SLC22A11: variants seen among roughly 807,000 people sequenced by gnomAD.
The protein encoded by SLC22A11 is organic anion transporter 4.
SLC22A11 carries 42 observed loss-of-function variants against 49.4 expected under a neutral mutation model. The ratio of observed to expected loss-of-function variants is 0.85; its 90% CI spans 0.66 to 1.10. The LOEUF (loss-of-function observed/expected upper bound fraction) is 1.10. Among genes scored for constraint, SLC22A11 ranks in the 50% least tolerant of loss-of-function variants. The pLI is 0.00. For missense variants in SLC22A11, 685 were observed against 731.6 expected (o/e 0.94, Z 0.74); for synonymous variants, 304 against 315.8 (o/e 0.96, Z 0.40).
chr11:64,560,050 T>A (rs1362652199), intron 2 of SLC22A11, among the ~76,000 whole-genome samples: 1 of 148,926 alleles, frequency 6.7e-6, no homozygotes, highest in Non-Finnish European at 1.5e-5. Context: ...GGAGCTGAGC[T>A]GCTGATTCCT....
intron 7 of SLC22A11, 35 bp downstream of exon 7, chr11:64,567,848 C>T (rs772895237): frequency 2.5e-5 from 38 of 1,540,364 alleles, no homozygotes; most frequent in Non-Finnish European, 3.0e-5. Context: ...GGACCGGGCC[C>T]TGCTTCCCCG....
At chr11:64,563,641 C>G (rs1273538156) in intron 4 of SLC22A11, among the ~76,000 whole-genome samples, 1 of 61,190 alleles carries the variant, frequency 1.6e-5, no homozygotes, top group Non-Finnish European at 4.9e-5. Context: ...AAAAAAAAGG[C>G]CGGGCACAGT....
chr11:64,559,714 G>A (rs2038515745), intron 2 of SLC22A11, among the ~76,000 whole-genome samples: 1 of 152,152 alleles, frequency 6.6e-6, no homozygotes, highest in African/African-American at 2.4e-5. Context: ...GGGAGGGTGG[G>A]AGACAAGTGT....
intron 9 of SLC22A11, 47 bp from the exon 10 acceptor site, chr11:64,570,932 C>T: frequency 6.2e-7 from 1 of 1,603,788 alleles, no homozygotes; most frequent in Non-Finnish European, 8.5e-7. Context: ...GCTCCGAGTA[C>T]ATACCCACTT....
rs1407521422 is a variant in SLC22A11 at position 64,565,443 on chromosome 11, C to T, written c.1058+106C>T. On this transcript the variant is annotated intron_variant, in intron 6 of 9. Transcript: ENST00000301891. The surrounding 1 kb of genome is among the most constrained non-coding windows in gnomAD (Gnocchi z 4.1). ...TCCAGGGGAAACAGCACCCGCAGGCCTCAAGGGGGTGCATTTCTGTCTGGG... is the reference window on the plus strand; with the variant it reads ...TCCAGGGGAAACAGCACCCGCAGGCTTCAAGGGGGTGCATTTCTGTCTGGG... 1.1e-6 allele frequency: 1 copy of T among 897,096 alleles called. No individual in the cohort carries two copies. The highest frequency in any genetic ancestry group is 1.6e-5 in the African/African-American group (1 of 60,936). The allele number at this position is 897,096 out of a possible 1,614,324, so 55.6% of individuals were successfully genotyped here. A position where few individuals can be genotyped will look rare whatever the true frequency, so the allele number is the denominator to read the frequency against.
At chr11:64,568,635 G>T (rs759524182) in intron 7 of SLC22A11, 35 bp from the exon 8 acceptor site, 1 of 1,589,084 alleles carries the variant, frequency 6.3e-7, no homozygotes, top group Non-Finnish European at 8.6e-7. Flanking sequence ...TACCCTCCAG[G>T]GCAAACCCCA....
In SLC22A11 at chr11:64,564,038, G is replaced by GT. The variant is rs2038588160; in HGVS notation, c.822-269dup. On this transcript the variant is annotated intron_variant, in intron 4 of 9. Transcript: ENST00000301891. This position sits in a 1 kb window ranked among gnomAD's most constrained non-coding sequence, Gnocchi z 4.2. ...CCCAGGCCACCTGTGCCCTGGCTGT[G>GT]TGCAGGGCTCAGGTGGGCAGGCCCC... is the stretch of plus-strand genomic sequence containing the variant. Among the ~76,000 whole-genome samples, 1 of 152,188 alleles carries GT rather than the reference G, an allele frequency of 6.6e-6. No individual in the cohort carries two copies. The highest frequency in any genetic ancestry group is 2.1e-4 in the South Asian group (1 of 4,836).
At chr11:64,558,006 C>G (rs1159563451) in intron 1 of SLC22A11, among the ~76,000 whole-genome samples, 1 of 152,122 alleles carries the variant, frequency 6.6e-6, no homozygotes, top group Non-Finnish European at 1.5e-5. Flanking sequence ...CCACGTTGGT[C>G]AGGCTGGTCT....
chr11:64,570,875 C>A, intron 9 of SLC22A11, 104 bp from the exon 10 acceptor site: 2 of 1,065,370 alleles, frequency 1.9e-6, no homozygotes, highest in Non-Finnish European at 1.5e-6. Flanking sequence ...AAGCCTAATG[C>A]CATAGAGTTT....
At chr11:64,557,309 G>A (rs539982810) in intron 1 of SLC22A11, among the ~76,000 whole-genome samples, 8 of 152,340 alleles carry the variant, frequency 5.3e-5, no homozygotes. Flanking sequence ...TTCAATCCCG[G>A]CAGTCAGGGT....
At chr11:64,563,620 A>AAAAAAAG (rs2038581636) in intron 4 of SLC22A11, among the ~76,000 whole-genome samples, 1 of 147,366 alleles carries the variant, frequency 6.8e-6, no homozygotes, top group African/African-American at 2.5e-5. Flanking sequence ...TAAAAAAAAA[A>AAAAAAAG]AAAAAAAAAA....
At chr11:64,567,559 C>T in intron 6 of SLC22A11, 40 bp from the exon 7 acceptor site, 1 of 1,596,324 alleles carries the variant, frequency 6.3e-7, no homozygotes, top group Non-Finnish European at 8.6e-7. Flanking sequence ...GTGCCCTCTC[C>T]CCGGCAGGGC....
intron 1 of SLC22A11, among the ~76,000 whole-genome samples, chr11:64,557,613 G>A (rs2038480481): frequency 6.6e-6 from 1 of 150,574 alleles, no homozygotes; most frequent in South Asian, 2.1e-4. Flanking sequence ...CTCTGGAGCT[G>A]GGATTTTCTT....
chr11:64,568,872 C>A, intron 8 of SLC22A11, 94 bp downstream of exon 8: 1 of 1,122,726 alleles, frequency 8.9e-7, no homozygotes, highest in Non-Finnish European at 1.3e-6. Context: ...CAGGGAAATG[C>A]AGCCAGGGCC....
In SLC22A11 at chr11:64,564,483, T is replaced by G; in HGVS notation, c.942+55T>G. 6.3e-7 allele frequency: 1 copy of G among 1,581,554 alleles called. No individual in the cohort carries two copies. The highest frequency in any genetic ancestry group is 8.7e-7 in the Non-Finnish European group (1 of 1,155,516). Reference sequence around the variant, plus strand: ...CTGGGACAGGACGTGCACTGAGGGATCATCCGTGTGGCCTCCAACAGCACC... The same window carrying G: ...CTGGGACAGGACGTGCACTGAGGGAGCATCCGTGTGGCCTCCAACAGCACC... On this transcript the variant is annotated intron_variant, in intron 5 of 9. Coordinates refer to ENST00000301891, the MANE Select transcript of SLC22A11 (RefSeq NM_018484.4). This position sits in a 1 kb window ranked among gnomAD's most constrained non-coding sequence, Gnocchi z 4.2.
intron 6 of SLC22A11, chr11:64,566,216 A>G (rs1053893396): frequency 7.2e-5 from 11 of 152,002 alleles, no homozygotes; most frequent in African/African-American, 2.7e-4. Context: ...ACTGCACTCC[A>G]GCCTGGGCGA....
chr11:64,556,505 C>A (rs1252274566), intron 1 of SLC22A11, 113 bp downstream of exon 1: 2 of 1,453,236 alleles, frequency 1.4e-6, no homozygotes, highest in South Asian at 1.3e-5. Flanking sequence ...TCCTCTCGAG[C>A]CTCTCAGCCC....
At chr11:64,556,766 G>T (rs754243312) in intron 1 of SLC22A11, among the ~76,000 whole-genome samples, 5 of 152,128 alleles carry the variant, frequency 3.3e-5, no homozygotes, top group South Asian at 2.1e-4. Context: ...GCTGAGACAG[G>T]CCAGGGTGAC....
chr11:64,570,288 T>C (rs975293826), intron 9 of SLC22A11, among the ~76,000 whole-genome samples: 1 of 152,234 alleles, frequency 6.6e-6, no homozygotes, highest in Non-Finnish European at 1.5e-5. Flanking sequence ...ACAGGTGAGT[T>C]CTTTCAAACC....
Sources: gnomAD v4.1 joint callset for allele counts (sites outside exome capture counted in the v4.1 genomes callset) on GRCh38, gnomAD v4.1.1 for gene constraint, Gnocchi (gnomAD v3.1) non-coding constraint, MANE v1.5 for transcripts, NCBI Gene and HGNC (gene_info 2026-07-23, HGNC 2026-07-21) for gene names.